Variants in GUCY1A2 observed in about 807,000 individuals in gnomAD.
GUCY1A2 encodes the protein guanylate cyclase 1 soluble subunit alpha 2.
A neutral mutation model predicts 63.5 loss-of-function variants in GUCY1A2; 27 were observed. The observed-to-expected ratio is 0.43, with a 90% CI of 0.31 to 0.59. GUCY1A2 has a LOEUF of 0.59. Ranked by LOEUF, GUCY1A2 falls within the 20% of genes least tolerant of loss-of-function variation. GUCY1A2 has a pLI of 0.11. For missense variants in GUCY1A2, 768 were observed against 913.3 expected, an observed-to-expected ratio of 0.84 and a Z score of 2.05; for synonymous variants, 364 against 343.5, an observed-to-expected ratio of 1.06 and a Z score of -0.66.
intron 4 of GUCY1A2, among the ~76,000 whole-genome samples, chr11:106,857,795 C>T (rs561161885): frequency 7.2e-5 from 11 of 152,186 alleles, no homozygotes; most frequent in African/African-American, 1.9e-4. Flanking sequence ...CATTGTATTA[C>T]GTATTCCAAG....
At chr11:106,913,250 T>C (rs988767214) in intron 4 of GUCY1A2, among the ~76,000 whole-genome samples, 1 of 152,100 alleles carries the variant, frequency 6.6e-6, no homozygotes, top group African/African-American at 2.4e-5. Context: ...AGCTAGACAA[T>C]TTATAAAGAA....
At chr11:106,834,933 G>A (rs1859097964) in intron 4 of GUCY1A2, among the ~76,000 whole-genome samples, 1 of 151,920 alleles carries the variant, frequency 6.6e-6, no homozygotes, top group South Asian at 2.1e-4. Flanking sequence ...CAAAATCCCT[G>A]TGGAAACACA....
chr11:106,994,056 T>C (rs1374715528), intron 1 of GUCY1A2, among the ~76,000 whole-genome samples: 2 of 152,206 alleles, frequency 1.3e-5, no homozygotes, highest in Non-Finnish European at 2.9e-5. Context: ...CTTCATTTTA[T>C]TCTCCTTGTG....
chr11:106,742,344 C>T (rs1863709500), intron 6 of GUCY1A2, among the ~76,000 whole-genome samples: 1 of 152,202 alleles, frequency 6.6e-6, no homozygotes. Flanking sequence ...TCATTCCACT[C>T]ACTACCCACT....
chr11:106,725,204 G>T (rs1186199259), intron 6 of GUCY1A2, among the ~76,000 whole-genome samples: 1 of 65,346 alleles, frequency 1.5e-5, no homozygotes, highest in South Asian at 6.2e-4. Context: ...ACGGAGTCTC[G>T]CTCTGTCGCC....
intron 5 of GUCY1A2, among the ~76,000 whole-genome samples, chr11:106,794,061 C>T (rs1227779646): frequency 6.6e-6 from 1 of 152,084 alleles, no homozygotes; most frequent in African/African-American, 2.4e-5. Flanking sequence ...TTCATTGCAG[C>T]ATTATTCAAA....
At chr11:106,996,471 T>A (rs1861540420) in intron 1 of GUCY1A2, among the ~76,000 whole-genome samples, 1 of 152,212 alleles carries the variant, frequency 6.6e-6, no homozygotes, top group African/African-American at 2.4e-5. Flanking sequence ...GAACTTAGCA[T>A]GAAATTAATT....
chr11:107,011,969 T>C (rs1000892978), intron 1 of GUCY1A2, among the ~76,000 whole-genome samples: 1 of 152,242 alleles, frequency 6.6e-6, no homozygotes, highest in South Asian at 2.1e-4. Context: ...CTTAGGCAAC[T>C]GAAATAAATA....
At chr11:106,826,081 A>T (rs1858967371) in intron 4 of GUCY1A2, among the ~76,000 whole-genome samples, 1 of 152,236 alleles carries the variant, frequency 6.6e-6, no homozygotes, top group Non-Finnish European at 1.5e-5. Flanking sequence ...TTGGCTAAAT[A>T]GATAACTTAC....
chr11:106,751,572 T>C (rs549692001), intron 6 of GUCY1A2, among the ~76,000 whole-genome samples: 1 of 152,196 alleles, frequency 6.6e-6, no homozygotes, highest in Non-Finnish European at 1.5e-5. Context: ...TTCTGAGCTA[T>C]GGTTCTTAAG....
chr11:106,931,845 T>G lies in GUCY1A2; in HGVS notation c.1206+7615A>C, dbSNP rs1860606816. Among the ~76,000 whole-genome samples the G allele has an allele frequency of 2.0e-5, 3 of 152,200 alleles. No homozygotes were observed. The South Asian group carries it at 6.2e-4, about 31-fold the overall frequency. On this transcript the variant is annotated intron_variant, in intron 4 of 7. Coordinates refer to ENST00000526355, the MANE Select transcript of GUCY1A2 (RefSeq NM_000855.3). ...GTTGGAGGTAGGAGCAGGAATTAACTGCAAATGGGTAAACTTTTGGGGGTG... is the reference window on the plus strand; with the variant it reads ...GTTGGAGGTAGGAGCAGGAATTAACGGCAAATGGGTAAACTTTTGGGGGTG...
At chr11:106,709,369 TA>T (rs1378365979) in intron 6 of GUCY1A2, among the ~76,000 whole-genome samples, 26 of 91,654 alleles carry the variant, frequency 2.8e-4, no homozygotes, top group African/African-American at 6.7e-4. Context: ...ATAATATATA[TA>T]AATTATATAT....
At position 107,018,448 on chromosome 11, in the gene GUCY1A2, C is replaced by A. The variant is rs1427734062; in HGVS notation, c.-393G>T. ...GGGGCGGGGAGGGCTGCGGCCCAAG[C>A]AGAAGGGGAGGCAGAGGCAGAGGCT... On this transcript the variant is annotated 5_prime_UTR_variant, in exon 1 of 8. Coordinates refer to ENST00000526355, the MANE Select transcript of GUCY1A2 (RefSeq NM_000855.3). The A allele has an allele frequency of 6.6e-6, 1 of 150,718 alleles. No individual in the cohort carries two copies. Among genetic ancestry groups the A allele is most frequent in the Admixed American group, 6.6e-5 (1 of 15,172 alleles). The allele number at this position is 150,718 out of a possible 1,614,324, so 9.3% of individuals were successfully genotyped here. A position where few individuals can be genotyped will look rare whatever the true frequency, so the allele number is the denominator to read the frequency against.
intron 4 of GUCY1A2, among the ~76,000 whole-genome samples, chr11:106,882,518 T>C (rs959150218): frequency 6.6e-6 from 1 of 151,978 alleles, no homozygotes; most frequent in African/African-American, 2.4e-5. Context: ...CATGAACCGT[T>C]TTCTAATGGC....
chr11:106,700,247 A>G (rs1405784181), intron 7 of GUCY1A2, among the ~76,000 whole-genome samples: 1 of 152,118 alleles, frequency 6.6e-6, no homozygotes, highest in Non-Finnish European at 1.5e-5. Flanking sequence ...TCTGATTTTT[A>G]AAGACTTCAC....
At chr11:106,806,964 G>T (rs2135422381) in intron 5 of GUCY1A2, among the ~76,000 whole-genome samples, 1 of 152,204 alleles carries the variant, frequency 6.6e-6, no homozygotes, top group Admixed American at 6.5e-5. Flanking sequence ...AAGAAGAGAG[G>T]GGCAACCACA....
At chr11:106,747,216 C>T (rs887040902) in intron 6 of GUCY1A2, among the ~76,000 whole-genome samples, 59 of 152,308 alleles carry the variant, frequency 3.9e-4, no homozygotes, top group African/African-American at 1.3e-3. Flanking sequence ...TCTCGATCTC[C>T]TGACCTCGTG....
intron 6 of GUCY1A2, among the ~76,000 whole-genome samples, chr11:106,756,657 G>A (rs953329391): frequency 3.3e-5 from 5 of 152,152 alleles, no homozygotes; most frequent in Non-Finnish European, 7.4e-5. Flanking sequence ...TTTTCTTTAA[G>A]AATGTTGAAT....
chr11:106,960,987 GA>G (rs1861051215), intron 3 of GUCY1A2, among the ~76,000 whole-genome samples: 1 of 152,112 alleles, frequency 6.6e-6, no homozygotes, highest in African/African-American at 2.4e-5. Flanking sequence ...AGGAAGGAAG[GA>G]TGCTAAGTGG....
Sources: gnomAD v4.1 joint callset for allele counts (sites outside exome capture counted in the v4.1 genomes callset) on GRCh38, gnomAD v4.1.1 for gene constraint, MANE v1.5 for transcripts, NCBI Gene and HGNC (gene_info 2026-07-23, HGNC 2026-07-21) for gene names.